Variants in TMEM161B observed in about 807,000 individuals in gnomAD.
The protein encoded by TMEM161B is transmembrane protein 161B.
In TMEM161B, 34 loss-of-function variants were observed where a neutral mutation model predicts 61.8. The ratio of observed to expected loss-of-function variants is 0.55; its 90% CI spans 0.42 to 0.73. TMEM161B has a LOEUF of 0.73. Among genes scored for constraint, TMEM161B ranks in the 30% least tolerant of loss-of-function variants. The probability of loss-of-function intolerance (pLI) is 0.00; values close to 1 mark genes in which losing one functional copy is unlikely to be tolerated. For synonymous variants in TMEM161B, 167 were observed against 192.8 expected (o/e 0.87, Z 1.11); for missense variants, 456 against 558.5 (o/e 0.82, Z 1.85).
At chr5:88,255,816 T>C (rs1754914892) in intron 1 of TMEM161B, among the ~76,000 whole-genome samples, 2 of 151,994 alleles carry the variant, frequency 1.3e-5, no homozygotes. Flanking sequence ...AATACCTCAG[T>C]ACAGCTTTTT....
chr5:88,207,309 T>C, intron 5 of TMEM161B, 129 bp from the exon 6 acceptor site: 2 of 886,572 alleles, frequency 2.3e-6, no homozygotes, highest in Non-Finnish European at 3.3e-6. Context: ...TAAAACACTT[T>C]TAAATTAAGG....
chr5:88,232,822 C>T (rs990952630), intron 2 of TMEM161B, among the ~76,000 whole-genome samples: 5 of 152,196 alleles, frequency 3.3e-5, no homozygotes, highest in Admixed American at 6.5e-5. Flanking sequence ...GATCTGCCCG[C>T]CTTGGCTTCC....
chr5:88,244,186 T>A (rs370093451), intron 1 of TMEM161B, among the ~76,000 whole-genome samples: 1 of 151,954 alleles, frequency 6.6e-6, no homozygotes, highest in Non-Finnish European at 1.5e-5. Flanking sequence ...GCTTTTGGCA[T>A]CTTTGTCAGG....
chr5:88,268,476 C>T (rs1756714071), intron 1 of TMEM161B, among the ~76,000 whole-genome samples: 1 of 152,148 alleles, frequency 6.6e-6, no homozygotes, highest in Non-Finnish European at 1.5e-5. Flanking sequence ...GGCAGGCTAC[C>T]CAGTCCATAC....
At chr5:88,205,056 A>G (rs1354470419) in intron 8 of TMEM161B, among the ~76,000 whole-genome samples, 2 of 152,238 alleles carry the variant, frequency 1.3e-5, no homozygotes, top group African/African-American at 4.8e-5. Flanking sequence ...CTGCAAAACA[A>G]AACGATGAGA....
At chr5:88,261,720 C>T (rs571795005) in intron 1 of TMEM161B, among the ~76,000 whole-genome samples, 3 of 77,410 alleles carry the variant, frequency 3.9e-5, no homozygotes, top group African/African-American at 1.3e-4. Flanking sequence ...AACAACTAGA[C>T]ATTCATGTGC....
At chr5:88,258,358 A>G (rs1424647897) in intron 1 of TMEM161B, among the ~76,000 whole-genome samples, 2 of 152,298 alleles carry the variant, frequency 1.3e-5, no homozygotes, top group Non-Finnish European at 2.9e-5. Context: ...GTCTAGTAAT[A>G]ACTGATACAA....
At chr5:88,221,562 TATAAA>T (rs1456396033) in intron 4 of TMEM161B, 5 of 372,238 alleles carry the variant, frequency 1.3e-5, no homozygotes, top group Non-Finnish European at 2.7e-5. Flanking sequence ...CAAAAAAGTT[TATAAA>T]ATGTCTGTTG....
chr5:88,245,656 T>C (rs1225955277), intron 1 of TMEM161B, among the ~76,000 whole-genome samples: 1 of 151,992 alleles, frequency 6.6e-6, no homozygotes, highest in East Asian at 1.9e-4. Context: ...TAGTTATAAC[T>C]GTTAAATGGT....
intron 4 of TMEM161B, among the ~76,000 whole-genome samples, chr5:88,223,228 C>A (rs1749337483): frequency 1.4e-5 from 2 of 147,852 alleles, no homozygotes; most frequent in South Asian, 2.1e-4. Context: ...ACTCTTCTTT[C>A]TAATGAGTTA....
In TMEM161B at chr5:88,225,779, C is replaced by G; in HGVS notation, c.279G>C (p.Val93=). Residue 93 remains valine (V), a synonymous_variant, in exon 4 of 12, where the codon GTG becomes GTC. Coordinates refer to ENST00000296595, the MANE Select transcript of TMEM161B (RefSeq NM_153354.5). The stretch of plus-strand genomic sequence containing the variant: ...CAAGATTTCCCTTACCTAAAGTATC[C>G]ACTTCTGTAACTGACTTTGTTTCTA... ...LHLETKSVTE[V]DTLALHYFPE... is the part of the protein sequence containing the mutation. 1 of 1,602,330 alleles carries G rather than the reference C, an allele frequency of 6.2e-7. No individual in the cohort carries two copies. Among genetic ancestry groups the G allele is most frequent in the Non-Finnish European group, 8.5e-7 (1 of 1,172,074 alleles).
chr5:88,249,702 T>C (rs969922663), intron 1 of TMEM161B, among the ~76,000 whole-genome samples: 8 of 152,048 alleles, frequency 5.3e-5, no homozygotes, highest in African/African-American at 1.9e-4. Flanking sequence ...AAAAGGCCCA[T>C]AGGGATGGGA....
intron 4 of TMEM161B, 67 bp downstream of exon 4, chr5:88,225,702 G>C: frequency 9.8e-7 from 1 of 1,015,760 alleles, no homozygotes; most frequent in Admixed American, 2.2e-5. Context: ...TGATTAAAAT[G>C]AAAGTACTTT....
At chr5:88,238,771 T>C (rs749862869) in intron 2 of TMEM161B, among the ~76,000 whole-genome samples, 2 of 151,990 alleles carry the variant, frequency 1.3e-5, no homozygotes, top group African/African-American at 2.4e-5. Flanking sequence ...ATAATAATTA[T>C]GCCAAAAGGA....
At chr5:88,185,672 T>A (rs1390934874), downstream of TMEM161B, among the ~76,000 whole-genome samples, 1 of 152,208 alleles carries the variant, frequency 6.6e-6, no homozygotes, top group Admixed American at 6.5e-5. Context: ...AAAGGTTTTT[T>A]AAAATGTCTG....
chr5:88,188,827 G>T (rs1425878803), downstream of TMEM161B, among the ~76,000 whole-genome samples: 1 of 150,024 alleles, frequency 6.7e-6, no homozygotes, highest in Non-Finnish European at 1.5e-5. Flanking sequence ...GGTTAGAGTT[G>T]GGGGGGGTGG....
chr5:88,196,555 A>T, intron 11 of TMEM161B, 67 bp from the exon 12 acceptor site: 1 of 1,465,078 alleles, frequency 6.8e-7, no homozygotes, highest in Non-Finnish European at 9.1e-7. Context: ...ATTAAAAAAA[A>T]ATCTTCCTAT....
At chr5:88,220,968 T>C (rs534121900) in intron 4 of TMEM161B, among the ~76,000 whole-genome samples, 1 of 152,312 alleles carries the variant, frequency 6.6e-6, no homozygotes, top group Non-Finnish European at 1.5e-5. Flanking sequence ...CCAAAAGTTA[T>C]TTAAGTTGTT....
chr5:88,208,837 TGTG>T (rs1039363077), intron 5 of TMEM161B, among the ~76,000 whole-genome samples: 7 of 152,202 alleles, frequency 4.6e-5, no homozygotes, highest in African/African-American at 1.7e-4. Flanking sequence ...CCTAAGTCAA[TGTG>T]GTACTTTTAG....
Sources: allele counts gnomAD v4.1 joint callset (sites outside exome capture counted in the v4.1 genomes callset), GRCh38; gene constraint gnomAD v4.1.1; transcripts MANE v1.5; gene names NCBI Gene and HGNC (gene_info 2026-07-23, HGNC 2026-07-21).